The following GPC5 variants were observed in gnomAD, a reference collection of about 807,000 sequenced individuals.
GPC5 encodes the protein glypican 5.
Under a neutral mutation model 53.9 loss-of-function variants are expected in GPC5, and 47 were observed. The observed-to-expected ratio is 0.87, with a 90% confidence interval of 0.69 to 1.11. The LOEUF is 1.11. Ranked by LOEUF, GPC5 falls within the 50% of genes most tolerant of loss-of-function variation. GPC5 has a pLI of 0.00. For missense variants in GPC5, 748 were observed against 713.1 expected (o/e 1.05, Z -0.56); for synonymous variants, 286 against 263.3 (o/e 1.09, Z -0.84).
At chr13:92,064,369 G>T (rs1230387618) in intron 6 of GPC5, among the ~76,000 whole-genome samples, 1 of 152,178 alleles carries the variant, frequency 6.6e-6, no homozygotes, top group Non-Finnish European at 1.5e-5. Context: ...GATGTAATTG[G>T]TCTGGGGTAC....
At chr13:91,971,905 A>G (rs1314681910) in intron 6 of GPC5, among the ~76,000 whole-genome samples, 1 of 152,102 alleles carries the variant, frequency 6.6e-6, no homozygotes, top group Non-Finnish European at 1.5e-5. Flanking sequence ...CAATTTTGGA[A>G]TAGGTGTGGT....
At chr13:91,702,417 A>T (rs1320585525) in intron 3 of GPC5, among the ~76,000 whole-genome samples, 1 of 152,068 alleles carries the variant, frequency 6.6e-6, no homozygotes, top group East Asian at 1.9e-4. Flanking sequence ...GTACTTTTAC[A>T]GTTTCAGGTC....
At chr13:91,878,678 C>T (rs776594526) in intron 5 of GPC5, among the ~76,000 whole-genome samples, 2 of 152,022 alleles carry the variant, frequency 1.3e-5, no homozygotes, top group African/African-American at 4.8e-5. Context: ...TTATAAGGAG[C>T]TTTTCTCTCT....
At chr13:92,158,232 G>A (rs139046647) in intron 7 of GPC5, among the ~76,000 whole-genome samples, 2 of 152,290 alleles carry the variant, frequency 1.3e-5, no homozygotes, top group East Asian at 1.9e-4. Flanking sequence ...TTTGAGGAAG[G>A]AATGATAGAC....
intron 3 of GPC5, among the ~76,000 whole-genome samples, chr13:91,707,609 A>C (rs2036135074): frequency 6.6e-6 from 1 of 152,156 alleles, no homozygotes; most frequent in Admixed American, 6.5e-5. Context: ...TGACAGAGCA[A>C]GGCCCTGTCT....
intron 5 of GPC5, among the ~76,000 whole-genome samples, chr13:91,782,564 A>G (rs2037815320): frequency 6.6e-6 from 1 of 152,092 alleles, no homozygotes; most frequent in Non-Finnish European, 1.5e-5. Flanking sequence ...CCATGATCCA[A>G]TCACCTCCCA....
At chr13:91,899,668 G>A (rs945011748) in intron 5 of GPC5, among the ~76,000 whole-genome samples, 3 of 152,126 alleles carry the variant, frequency 2.0e-5, no homozygotes, top group African/African-American at 7.2e-5. Context: ...CTGGATGAAG[G>A]TGGGCCCTAA....
At chr13:91,523,690 A>G (rs1385624746) in intron 2 of GPC5, among the ~76,000 whole-genome samples, 1 of 152,170 alleles carries the variant, frequency 6.6e-6, no homozygotes, top group East Asian at 1.9e-4. Flanking sequence ...TATACTTGAC[A>G]TTTGCTAAGA....
At chr13:92,011,203 A>T (rs2040658423) in intron 6 of GPC5, among the ~76,000 whole-genome samples, 1 of 152,210 alleles carries the variant, frequency 6.6e-6, no homozygotes, top group Admixed American at 6.5e-5. Context: ...ATATGATAGG[A>T]TTCATTAAGG....
chr13:92,137,436 C>T (rs2041793457), intron 6 of GPC5, among the ~76,000 whole-genome samples: 1 of 152,162 alleles, frequency 6.6e-6, no homozygotes, highest in South Asian at 2.1e-4. Context: ...ATGTTACTCC[C>T]ATATGGGTTC....
intron 2 of GPC5, among the ~76,000 whole-genome samples, chr13:91,611,010 T>C (rs2033530671): frequency 6.6e-6 from 1 of 152,210 alleles, no homozygotes; most frequent in Admixed American, 6.5e-5. Context: ...TTTTTAATCT[T>C]TCAGCATGTC....
intron 2 of GPC5, among the ~76,000 whole-genome samples, chr13:91,579,624 CTTTTTTTTTTTTT>C (rs3055895): frequency 2.9e-5 from 3 of 102,620 alleles, no homozygotes; most frequent in Non-Finnish European, 4.0e-5. Context: ...TTTTCTTTTT[CTTTTTTTTTTTTT>C]TTTTTTTTTG....
chr13:92,072,417 C>A (rs2041219882), intron 6 of GPC5, among the ~76,000 whole-genome samples: 1 of 151,562 alleles, frequency 6.6e-6, no homozygotes, highest in African/African-American at 2.4e-5. Context: ...CAGGCGTGCA[C>A]CACCATGCCC....
intron 7 of GPC5, among the ~76,000 whole-genome samples, chr13:92,400,300 C>T (rs1875497523): frequency 6.6e-6 from 1 of 152,114 alleles, no homozygotes; most frequent in Non-Finnish European, 1.5e-5. Flanking sequence ...AAAAAGCTCC[C>T]TTTTTGTTAG....
At chr13:92,168,452 G>A (rs1331875981) in intron 7 of GPC5, among the ~76,000 whole-genome samples, 4 of 152,056 alleles carry the variant, frequency 2.6e-5, no homozygotes, top group East Asian at 1.9e-4. Context: ...GACAAAGTTC[G>A]AATGTCCAAA....
intron 7 of GPC5, among the ~76,000 whole-genome samples, chr13:92,310,269 A>T (rs2043136915): frequency 6.6e-6 from 1 of 151,918 alleles, no homozygotes; most frequent in Non-Finnish European, 1.5e-5. Flanking sequence ...TTCATCTTTT[A>T]TCTATGTATT....
intron 7 of GPC5, among the ~76,000 whole-genome samples, chr13:92,717,611 C>G (rs1888374376): frequency 6.6e-6 from 1 of 152,130 alleles, no homozygotes; most frequent in South Asian, 2.1e-4. Context: ...CTTCAGAAGT[C>G]ATCAGCTTCA....
chr13:92,294,826 C>CTTTTTTTTTTTTT (rs147963724), intron 7 of GPC5, among the ~76,000 whole-genome samples: 295 of 98,830 alleles, frequency 3.0e-3, no homozygotes, highest in Non-Finnish European at 4.1e-3. Flanking sequence ...TTTTTTTTTT[C>CTTTTTTTTTTTTT]TTTTTTTTTT....
At chr13:91,919,838 C>G (rs2039693964) in intron 6 of GPC5, among the ~76,000 whole-genome samples, 1 of 152,158 alleles carries the variant, frequency 6.6e-6, no homozygotes, top group Admixed American at 6.5e-5. Flanking sequence ...AGTTCACATA[C>G]CGGCCTGCCT....
Sources: allele counts gnomAD v4.1 joint callset (sites outside exome capture counted in the v4.1 genomes callset), GRCh38; gene constraint gnomAD v4.1.1; transcripts MANE v1.5; gene names NCBI Gene and HGNC (gene_info 2026-07-23, HGNC 2026-07-21).